The following KLHL1 variants were observed in gnomAD, a reference collection of about 807,000 sequenced individuals.
KLHL1 encodes kelch-like protein 1.
KLHL1 carries 47 observed loss-of-function variants against 77.7 expected under a neutral mutation model. That is an observed-to-expected ratio of 0.60 (90% CI 0.48 to 0.77). KLHL1 has a LOEUF of 0.77. Ranked by LOEUF, KLHL1 falls within the 30% of genes least tolerant of loss-of-function variation. The pLI is 0.00. For synonymous variants in KLHL1, 360 were observed against 325.2 expected (o/e 1.11, Z -1.15); for missense variants, 925 against 910.8 (o/e 1.02, Z -0.20).
At chr13:69,948,416 G>A (rs1177166064) in intron 3 of KLHL1, among the ~76,000 whole-genome samples, 2 of 151,956 alleles carry the variant, frequency 1.3e-5, no homozygotes, top group African/African-American at 4.8e-5. Context: ...TTATGAAAGG[G>A]GTGAAACACA....
intron 6 of KLHL1, among the ~76,000 whole-genome samples, chr13:69,817,796 C>T (rs1029939193): frequency 6.6e-5 from 10 of 152,088 alleles, no homozygotes; most frequent in African/African-American, 2.4e-4. Flanking sequence ...AAAGAATGTA[C>T]TGAGTACTCA....
intron 4 of KLHL1, among the ~76,000 whole-genome samples, chr13:69,906,618 T>G (rs907759659): frequency 3.3e-5 from 5 of 151,730 alleles, no homozygotes; most frequent in Non-Finnish European, 7.4e-5. Flanking sequence ...ATTGTTCTCT[T>G]TTTATCTTGA....
chr13:70,022,189 G>T (rs1885816204), intron 1 of KLHL1, among the ~76,000 whole-genome samples: 1 of 151,656 alleles, frequency 6.6e-6, no homozygotes, highest in Non-Finnish European at 1.5e-5. Flanking sequence ...CTTTTCTTTA[G>T]ATGCGGCTAT....
At chr13:70,085,092 G>C (rs533447971) in intron 1 of KLHL1, among the ~76,000 whole-genome samples, 1 of 152,186 alleles carries the variant, frequency 6.6e-6, no homozygotes, top group African/African-American at 2.4e-5. Context: ...GGTGTATAAA[G>C]ACAAGTATCT....
chr13:69,884,856 T>C (rs1192271785), intron 4 of KLHL1, among the ~76,000 whole-genome samples: 2 of 152,108 alleles, frequency 1.3e-5, no homozygotes, highest in East Asian at 1.9e-4. Context: ...GTAGGAAGGC[T>C]ATAGACTTTT....
intron 5 of KLHL1, among the ~76,000 whole-genome samples, chr13:69,848,014 C>T (rs947714078): frequency 2.0e-5 from 3 of 151,468 alleles, no homozygotes; most frequent in African/African-American, 7.3e-5. Flanking sequence ...ATATTCAGTG[C>T]TAAATGAACC....
At chr13:70,025,373 TC>T (rs1566509725) in intron 1 of KLHL1, among the ~76,000 whole-genome samples, 1 of 152,014 alleles carries the variant, frequency 6.6e-6, no homozygotes, top group Non-Finnish European at 1.5e-5. Flanking sequence ...CAATATAGAT[TC>T]TCTGATATTT....
At position 70,071,973 on chromosome 13, in the gene KLHL1, C is replaced by A. The variant is rs1001938334; in HGVS notation, c.497+35230G>T. Among the ~76,000 whole-genome samples the A allele has an allele frequency of 4.0e-4, 60 of 151,826 alleles. 3 individuals are homozygous for A. Among genetic ancestry groups the A allele is most frequent in the Admixed American group, 3.9e-3 (60 of 15,230 alleles). The stretch of plus-strand genomic sequence containing the variant: ...GAATAATAAAATTCACAACAGAAAT[C>A]AATTTAATTGAAACCAGGAAAACAA... On this transcript the variant is annotated intron_variant, in intron 1 of 10. Coordinates refer to ENST00000377844, the MANE Select transcript of KLHL1 (RefSeq NM_020866.3).
At chr13:69,996,181 T>C (rs187333291) in intron 1 of KLHL1, among the ~76,000 whole-genome samples, 2 of 152,078 alleles carry the variant, frequency 1.3e-5, no homozygotes, top group East Asian at 3.9e-4. Flanking sequence ...CATGTCCCTA[T>C]AATCCCAGCT....
intron 1 of KLHL1, among the ~76,000 whole-genome samples, chr13:70,035,239 A>G (rs1180373342): frequency 6.6e-6 from 1 of 152,150 alleles, no homozygotes; most frequent in Non-Finnish European, 1.5e-5. Flanking sequence ...TACACAGTGG[A>G]GTACTATTCA....
intron 1 of KLHL1, among the ~76,000 whole-genome samples, chr13:70,059,709 TCACAGTTC>T (rs1322600625): frequency 6.6e-6 from 1 of 152,128 alleles, no homozygotes; most frequent in Non-Finnish European, 1.5e-5. Flanking sequence ...TTTAATTGAC[TCACAGTTC>T]CACAGGCTAT....
chr13:69,837,972 C>A (rs1566309513), intron 6 of KLHL1, among the ~76,000 whole-genome samples: 1 of 151,414 alleles, frequency 6.6e-6, no homozygotes, highest in Non-Finnish European at 1.5e-5. Context: ...AATCTTATTT[C>A]TTTAGGCTTC....
intron 8 of KLHL1, among the ~76,000 whole-genome samples, chr13:69,739,329 A>G (rs1448806042): frequency 6.6e-6 from 1 of 152,210 alleles, no homozygotes; most frequent in African/African-American, 2.4e-5. Flanking sequence ...TGACACTATG[A>G]AGCTACTACA....
At chr13:70,000,050 T>C (rs566523676) in intron 1 of KLHL1, among the ~76,000 whole-genome samples, 18 of 152,090 alleles carry the variant, frequency 1.2e-4, no homozygotes, top group African/African-American at 4.3e-4. Flanking sequence ...TCTGGGTCTG[T>C]TAGTTCCCAT....
chr13:69,706,813 A>G (rs905015926), intron 10 of KLHL1, among the ~76,000 whole-genome samples: 5 of 152,006 alleles, frequency 3.3e-5, no homozygotes, highest in African/African-American at 1.2e-4. Flanking sequence ...AAGCAAGGCC[A>G]CAGTAGCTAT....
At chr13:69,952,718 C>T (rs73512626) in intron 3 of KLHL1, among the ~76,000 whole-genome samples, 1 of 151,164 alleles carries the variant, frequency 6.6e-6, no homozygotes, top group Non-Finnish European at 1.5e-5. Context: ...CTGAGGGAGA[C>T]AAAGTGTTTA....
intron 1 of KLHL1, among the ~76,000 whole-genome samples, chr13:70,017,856 T>C (rs1885697147): frequency 1.3e-5 from 2 of 152,348 alleles, no homozygotes; most frequent in Non-Finnish European, 2.9e-5. Flanking sequence ...GGGCAAGAGA[T>C]AATTCCAAAA....
intron 1 of KLHL1, among the ~76,000 whole-genome samples, chr13:70,069,066 T>G (rs1887079228): frequency 6.6e-6 from 1 of 152,196 alleles, no homozygotes; most frequent in Non-Finnish European, 1.5e-5. Flanking sequence ...ACTAACCTAT[T>G]GAGATTTTAT....
chr13:70,034,491 G>C (rs778181183), intron 1 of KLHL1, among the ~76,000 whole-genome samples: 4 of 152,292 alleles, frequency 2.6e-5, no homozygotes, highest in Middle Eastern at 3.4e-3. Flanking sequence ...TTTGCCTTAA[G>C]TTTGTGGAAC....
Sources: gnomAD v4.1 joint callset for allele counts (sites outside exome capture counted in the v4.1 genomes callset) on GRCh38, gnomAD v4.1.1 for gene constraint, MANE v1.5 for transcripts, NCBI Gene and HGNC (gene_info 2026-07-23, HGNC 2026-07-21) for gene names.